SPAG16: variants seen among roughly 807,000 people sequenced by gnomAD.
SPAG16 encodes sperm-associated antigen 16 protein.
SPAG16 carries 86 observed loss-of-function variants against 80.4 expected under a neutral mutation model. The ratio of observed to expected loss-of-function variants is 1.07; its 90% CI spans 0.90 to 1.28. The LOEUF (loss-of-function observed/expected upper bound fraction) is 1.28. SPAG16 is among the 50% of genes most tolerant of loss of function. The probability of loss-of-function intolerance (pLI) is 0.00; values close to 1 mark genes in which losing one functional copy is unlikely to be tolerated. For missense variants in SPAG16, 870 were observed against 765.3 expected (o/e 1.14, Z -1.61); for synonymous variants, 294 against 265.9 (o/e 1.11, Z -1.03).
At chr2:213,904,333 T>C (rs2077346067) in intron 11 of SPAG16, among the ~76,000 whole-genome samples, 1 of 152,054 alleles carries the variant, frequency 6.6e-6, no homozygotes, top group Admixed American at 6.5e-5. Flanking sequence ...CTCAGAATCA[T>C]GGCAAGAGGA....
chr2:213,350,344 C>T (rs1008070070), intron 6 of SPAG16, among the ~76,000 whole-genome samples, 184 bp from the exon 7 acceptor site: 2 of 152,176 alleles, frequency 1.3e-5, no homozygotes, highest in South Asian at 4.1e-4. Flanking sequence ...CACCCTCCAC[C>T]CTCAAGTTGC....
chr2:214,351,181 A>C (rs952732012), intron 15 of SPAG16, among the ~76,000 whole-genome samples: 1 of 152,192 alleles, frequency 6.6e-6, no homozygotes, highest in African/African-American at 2.4e-5. Flanking sequence ...GGCTGAAAAA[A>C]TATTAATGCA....
At chr2:214,271,874 GA>G (rs1692051151) in intron 15 of SPAG16, among the ~76,000 whole-genome samples, 1 of 150,258 alleles carries the variant, frequency 6.7e-6, no homozygotes, top group South Asian at 2.1e-4. Flanking sequence ...AAGAAAAAAG[GA>G]AGAATAGCAG....
At chr2:214,362,587 A>G (rs1370538872) in intron 15 of SPAG16, among the ~76,000 whole-genome samples, 1 of 151,846 alleles carries the variant, frequency 6.6e-6, no homozygotes, top group Non-Finnish European at 1.5e-5. Context: ...TATCTTGCCA[A>G]TTGTTTCCTC....
intron 9 of SPAG16, among the ~76,000 whole-genome samples, chr2:213,444,431 A>G (rs576876416): frequency 6.6e-6 from 1 of 152,314 alleles, no homozygotes; most frequent in South Asian, 2.1e-4. Flanking sequence ...CTGTTTACTT[A>G]GTACATCCAT....
intron 10 of SPAG16, among the ~76,000 whole-genome samples, chr2:213,835,490 C>T (rs1371072485): frequency 1.3e-5 from 2 of 152,148 alleles, no homozygotes; most frequent in Non-Finnish European, 2.9e-5. Flanking sequence ...TTATTGTGAA[C>T]TTTATGCCCT....
chr2:214,149,407 GAT>G (rs2055864201), intron 15 of SPAG16, 141 bp downstream of exon 15: 2 of 740,894 alleles, frequency 2.7e-6, no homozygotes, highest in Admixed American at 4.1e-5. Flanking sequence ...ATTACATTAA[GAT>G]ATATTTTATC....
chr2:213,359,764 C>T (rs1458971455), intron 7 of SPAG16, among the ~76,000 whole-genome samples: 1 of 152,146 alleles, frequency 6.6e-6, no homozygotes, highest in East Asian at 1.9e-4. Flanking sequence ...CTTCAGCTTG[C>T]CCTCCGTGGG....
chr2:213,856,309 T>G (rs2075165643), intron 10 of SPAG16, among the ~76,000 whole-genome samples: 1 of 152,208 alleles, frequency 6.6e-6, no homozygotes, highest in Admixed American at 6.5e-5. Context: ...CCTGTGGCTT[T>G]GCAGGATACA....
intron 14 of SPAG16, among the ~76,000 whole-genome samples, chr2:214,113,618 A>C: frequency 6.6e-6 from 1 of 152,160 alleles, no homozygotes; most frequent in East Asian, 1.9e-4. Context: ...CAAATTGTCT[A>C]CTGAAGCTTG....
chr2:213,506,139 A>G (rs555009649), intron 10 of SPAG16, among the ~76,000 whole-genome samples: 1 of 152,230 alleles, frequency 6.6e-6, no homozygotes, highest in South Asian at 2.1e-4. Flanking sequence ...ACCTTCTAGA[A>G]TTAAACTAAG....
At chr2:213,667,677 A>G (rs905405395) in intron 10 of SPAG16, among the ~76,000 whole-genome samples, 1 of 152,212 alleles carries the variant, frequency 6.6e-6, no homozygotes, top group African/African-American at 2.4e-5. Context: ...TAATTAAGTT[A>G]TGGAACATTT....
intron 10 of SPAG16, among the ~76,000 whole-genome samples, chr2:213,728,230 C>A (rs1441401885): frequency 6.6e-6 from 1 of 152,134 alleles, no homozygotes; most frequent in African/African-American, 2.4e-5. Flanking sequence ...ATGTGTTTGG[C>A]AGAGAGGAAT....
rs73089226 is a variant in SPAG16, at chr2:214,373,506, A to C, written c.1721-36634A>C. On this transcript the variant is annotated intron_variant, in intron 15 of 15. Transcript: ENST00000331683. ...TTAACGTGAGAAATAGAAATATATT[A>C]AATTGTTAAATAGGCTGTCCATGGC... Among the ~76,000 whole-genome samples the C allele has an allele frequency of 6.9e-3, 1,047 of 152,300 alleles. 15 individuals carry two copies. Among genetic ancestry groups the C allele is most frequent in the African/African-American group, 0.024 (980 of 41,562 alleles).
At chr2:214,212,040 T>C (rs2058308651) in intron 15 of SPAG16, among the ~76,000 whole-genome samples, 1 of 152,218 alleles carries the variant, frequency 6.6e-6, no homozygotes, top group African/African-American at 2.4e-5. Context: ...GAGCAAAATA[T>C]ACTTGTAAAA....
At chr2:213,932,239 C>G (rs1047883909) in intron 12 of SPAG16, among the ~76,000 whole-genome samples, 1 of 144,296 alleles carries the variant, frequency 6.9e-6, no homozygotes, top group African/African-American at 2.6e-5. Flanking sequence ...AAGACTGAAT[C>G]TTGTTCTGTC....
intron 15 of SPAG16, among the ~76,000 whole-genome samples, chr2:214,245,252 C>T (rs1404863984): frequency 2.6e-5 from 4 of 152,082 alleles, no homozygotes; most frequent in South Asian, 4.1e-4. Context: ...TTAATATCCA[C>T]GCTATTCCCG....
At chr2:214,130,910 G>T (rs2054731752) in intron 14 of SPAG16, among the ~76,000 whole-genome samples, 1 of 152,062 alleles carries the variant, frequency 6.6e-6, no homozygotes, top group African/African-American at 2.4e-5. Flanking sequence ...TTCAAAAATT[G>T]TCTTTAGAGT....
intron 11 of SPAG16, among the ~76,000 whole-genome samples, chr2:213,907,519 A>C (rs1375661031): frequency 6.6e-6 from 1 of 152,166 alleles, no homozygotes; most frequent in African/African-American, 2.4e-5. Context: ...ATAACTCAGC[A>C]ATCCCACTAC....
Sources: allele counts gnomAD v4.1 joint callset (sites outside exome capture counted in the v4.1 genomes callset), GRCh38; gene constraint gnomAD v4.1.1; transcripts MANE v1.5; gene names NCBI Gene and HGNC (gene_info 2026-07-23, HGNC 2026-07-21).